Variants in MORC2 observed in about 807,000 individuals in gnomAD.
The protein encoded by MORC2 is MORC family CW-type zinc finger 2.
In MORC2, 30 loss-of-function variants were observed where a neutral mutation model predicts 136.0. The ratio of observed to expected loss-of-function variants is 0.22; its 90% CI spans 0.17 to 0.30. The LOEUF is 0.30. Ranked by LOEUF, MORC2 falls within the 10% of genes least tolerant of loss-of-function variation. The pLI is 1.00. For synonymous variants in MORC2, 439 were observed against 487.0 expected (o/e 0.90, Z 1.30); for missense variants, 922 against 1,333.1 (o/e 0.69, Z 4.80).
chr22:30,935,417 A>T, intron 17 of MORC2, 95 bp from the exon 18 acceptor site: 1 of 1,226,496 alleles, frequency 8.2e-7, no homozygotes, highest in East Asian at 2.5e-5. Context: ...CAAAAAAAAT[A>T]GAAAACCTGA....
In MORC2 at chr22:30,968,093, C is replaced by A; in HGVS notation, c.-204G>T. The A allele has an allele frequency of 1.8e-6, 1 of 542,442 alleles. No individual in the cohort carries two copies. The highest frequency in any genetic ancestry group is 2.3e-5 in the South Asian group (1 of 44,042). The allele number at this position is 542,442 out of a possible 1,614,324, so 33.6% of individuals were successfully genotyped here. On this transcript the variant is annotated 5_prime_UTR_variant, in exon 1 of 26. Transcript: ENST00000397641. ...TTCAAGTGTTTTTTTTTAATCTTCT[C>A]AATGATTTATGATGTAATATTTTGG...
In MORC2 at chr22:30,940,834, C is replaced by T. The variant is rs1235679626; in HGVS notation, c.828G>A (p.Met276Ile). Reference sequence around the variant, plus strand: ...TGAAACGGCTTGACGTGTACTTGTACATCCTGATCAGTAGAAAAAGCAAGC... The same window carrying T: ...TGAAACGGCTTGACGTGTACTTGTATATCCTGATCAGTAGAAAAAGCAAGC... ...RLSCCLYKPR[M>I]YKYTSSRFKT... The change falls in exon 10 of 26, where the codon ATG (methionine) becomes ATA (isoleucine). Residue 276 changes from methionine (M) to isoleucine (I), a missense_variant. This residue lies in a region of MORC2 where 261 missense variants were observed against 354.3 expected (regional missense o/e 0.74). Transcript: ENST00000397641. 12 of 1,613,902 alleles carry T rather than the reference C, an allele frequency of 7.4e-6. No homozygotes were observed. The highest frequency in any genetic ancestry group is 1.0e-5 in the Non-Finnish European group (12 of 1,179,942).
At chr22:30,962,164 C>T (rs1211521270) in intron 1 of MORC2, among the ~76,000 whole-genome samples, 2 of 150,636 alleles carry the variant, frequency 1.3e-5, no homozygotes, top group African/African-American at 2.5e-5. Flanking sequence ...ATTGTGAGAT[C>T]GCGCCACTGT....
intron 1 of MORC2, among the ~76,000 whole-genome samples, chr22:30,961,116 C>T (rs1015187325): frequency 1.3e-5 from 2 of 151,682 alleles, no homozygotes; most frequent in Admixed American, 6.6e-5. Flanking sequence ...GTGATCCAGC[C>T]GCCTCAGCCT....
rs115663695 is a variant in MORC2, at chr22:30,948,600, G to A, written c.317+1152C>T. On this transcript the variant is annotated intron_variant, in intron 5 of 25. Transcript: ENST00000397641. ...AGCTGAGGCTTAGAGACGTAGTAGC[G>A]GAAGTGAGATTTGAACCTTAGCTTG... 9.2e-3 allele frequency among the ~76,000 whole-genome samples: 1,394 copies of A among 152,282 alleles called. 20 individuals carry two copies. Among genetic ancestry groups the A allele is most frequent in the African/African-American group, 0.032 (1,336 of 41,560 alleles).
At position 30,925,175 on chromosome 22, in the gene MORC2, A is replaced by T; in HGVS notation, c.*1628T>A. On this transcript the variant is annotated 3_prime_UTR_variant, in exon 26 of 26. Coordinates refer to ENST00000397641, the MANE Select transcript of MORC2 (RefSeq NM_001303256.3). The stretch of plus-strand genomic sequence containing the variant: ...AACTTTATAGTATTGCGTTTCGATT[A>T]CATGTGTGTGAATTTTAAAAACTGA... The T allele has an allele frequency of 3.2e-6, 1 of 308,112 alleles. No individual in the cohort carries two copies. Among genetic ancestry groups the T allele is most frequent in the South Asian group, 2.8e-5 (1 of 35,542 alleles). The allele number at this position is 308,112 out of a possible 1,614,324, so 19.1% of individuals were successfully genotyped here.
chr22:30,946,696 C>A (rs1014190094), intron 5 of MORC2, among the ~76,000 whole-genome samples: 6 of 152,028 alleles, frequency 3.9e-5, no homozygotes, highest in Non-Finnish European at 5.9e-5. Context: ...CTCAACCACA[C>A]CATACAGGGT....
chr22:30,953,671 C>T lies in MORC2; in HGVS notation c.157+3092G>A, dbSNP rs141834564. ...TGTGTTAATCATTGCCCTGGCATCA[C>T]GAAAAGGATCTTTCTTCCAAGGAGG... On this transcript the variant is annotated intron_variant, in intron 3 of 25. Transcript: ENST00000397641. 1.9e-4 allele frequency among the ~76,000 whole-genome samples: 29 copies of T among 152,086 alleles called. 1 individual carries two copies. Among genetic ancestry groups the T allele is most frequent in the African/African-American group, 4.8e-5 (2 of 41,388 alleles).
intron 1 of MORC2, among the ~76,000 whole-genome samples, chr22:30,961,961 C>T (rs2041053096): frequency 6.6e-6 from 1 of 151,892 alleles, no homozygotes; most frequent in Admixed American, 6.6e-5. Flanking sequence ...TTTGGGAGGC[C>T]GAGGTGGGTG....
At chr22:30,935,376 A>C in intron 17 of MORC2, 54 bp from the exon 18 acceptor site, 1 of 1,555,196 alleles carries the variant, frequency 6.4e-7, no homozygotes, top group Non-Finnish European at 8.8e-7. Context: ...ATACTTGAGC[A>C]AACTTTTTGG....
Position 30,926,697 on chromosome 22 carries a change from T to A in MORC2, c.*106A>T. The A allele has an allele frequency of 1.4e-6, 1 of 728,818 alleles. No individual in the cohort carries two copies. The highest frequency in any genetic ancestry group is 2.3e-6 in the Non-Finnish European group (1 of 438,538). 45.1% of individuals were successfully genotyped at this position (728,818 alleles called of 1,614,324 possible). A position where few individuals can be genotyped will look rare whatever the true frequency, so the allele number is the denominator to read the frequency against. ...CCTCCAAAAACACAAATGTCCCGTGTAAGTCAAACCAAGGTGCGACCACCA... is the reference window on the plus strand; with the variant it reads ...CCTCCAAAAACACAAATGTCCCGTGAAAGTCAAACCAAGGTGCGACCACCA... On this transcript the variant is annotated 3_prime_UTR_variant, in exon 26 of 26. Coordinates refer to ENST00000397641, the MANE Select transcript of MORC2 (RefSeq NM_001303256.3).
At chr22:30,947,119 G>A (rs2040828669) in intron 5 of MORC2, among the ~76,000 whole-genome samples, 1 of 152,230 alleles carries the variant, frequency 6.6e-6, no homozygotes, top group Admixed American at 6.5e-5. Context: ...ATTAGCTCAT[G>A]TCCAATAACT....
chr22:30,939,901 G>T, intron 11 of MORC2, 58 bp downstream of exon 11: 1 of 1,552,092 alleles, frequency 6.4e-7, no homozygotes. Flanking sequence ...AGGCTCATGG[G>T]ACATGGGCTC....
intron 3 of MORC2, among the ~76,000 whole-genome samples, chr22:30,951,094 C>T (rs191300338): frequency 1.3e-5 from 2 of 152,340 alleles, no homozygotes; most frequent in East Asian, 3.9e-4. Context: ...TGAGAAGGCA[C>T]ATGGTACAAC....
chr22:30,942,058 T>C, intron 7 of MORC2, 54 bp downstream of exon 7: 1 of 1,609,486 alleles, frequency 6.2e-7, no homozygotes, highest in Non-Finnish European at 8.5e-7. Context: ...CCCACACTAC[T>C]TGTGATTCTG....
intron 6 of MORC2, among the ~76,000 whole-genome samples, chr22:30,944,359 T>C (rs1287388551): frequency 6.6e-6 from 1 of 151,980 alleles, no homozygotes; most frequent in Non-Finnish European, 1.5e-5. Context: ...TTCACTCCCA[T>C]GGGCACCCCA....
chr22:30,938,576 T>C (rs1354214489), intron 12 of MORC2, among the ~76,000 whole-genome samples: 1 of 152,220 alleles, frequency 6.6e-6, no homozygotes, highest in Admixed American at 6.5e-5. Flanking sequence ...TAAATTATTA[T>C]AATTTTTTTT....
intron 2 of MORC2, 69 bp downstream of exon 2, chr22:30,958,572 G>A: frequency 1.5e-6 from 2 of 1,297,406 alleles, no homozygotes; most frequent in Non-Finnish European, 2.2e-6. Context: ...AGTCTTCAGA[G>A]AGCAAAGGTC....
chr22:30,936,657 G>A lies in MORC2; in HGVS notation c.1605-14C>T, dbSNP rs751086636. On this transcript the variant is annotated splice_polypyrimidine_tract_variant and intron_variant, in intron 16 of 25. Transcript: ENST00000397641. ...GAAGCCTCACACCTGTAGAGACAAG[G>A]TACTACAGAGGTCGTGGCAAACAGA... 1.2e-6 allele frequency: 2 copies of A among 1,612,286 alleles called. No homozygotes were observed. Among genetic ancestry groups the A allele is most frequent in the South Asian group, 1.1e-5 (1 of 90,904 alleles).
Sources: allele counts gnomAD v4.1 joint callset (sites outside exome capture counted in the v4.1 genomes callset), GRCh38; gene constraint gnomAD v4.1.1; regional missense constraint gnomAD v4.1.1; transcripts MANE v1.5; gene names NCBI Gene and HGNC (gene_info 2026-07-23, HGNC 2026-07-21).